The following ZBTB5 variants were observed in gnomAD, a reference collection of about 807,000 sequenced individuals.
ZBTB5 encodes the protein zinc finger and BTB domain-containing protein 5.
ZBTB5 carries 15 observed loss-of-function variants against 37.9 expected under a neutral mutation model. The ratio of observed to expected loss-of-function variants is 0.40; its 90% CI spans 0.26 to 0.61. ZBTB5 has a LOEUF of 0.61. ZBTB5 is among the 20% of genes least tolerant of loss of function. ZBTB5 has a pLI of 0.47. For missense variants in ZBTB5, 708 were observed against 856.8 expected (o/e 0.83, Z 2.17); for synonymous variants, 315 against 312.4 (o/e 1.01, Z -0.09).
intron 1 of ZBTB5, among the ~76,000 whole-genome samples, chr9:37,444,816 A>C (rs542566725): frequency 6.6e-6 from 1 of 152,248 alleles, no homozygotes; most frequent in South Asian, 2.1e-4. Context: ...AGATTGTAGG[A>C]AACAGGAGAC....
intron 1 of ZBTB5, among the ~76,000 whole-genome samples, chr9:37,452,745 G>A (rs1344052510): frequency 6.6e-6 from 1 of 152,158 alleles, no homozygotes; most frequent in Non-Finnish European, 1.5e-5. Flanking sequence ...AGGCAAAGGT[G>A]CTGGTCTTTC....
intron 1 of ZBTB5, among the ~76,000 whole-genome samples, chr9:37,443,331 AG>A (rs1823919505): frequency 6.6e-6 from 1 of 151,480 alleles, no homozygotes; most frequent in Non-Finnish European, 1.5e-5. Flanking sequence ...TTCATCTCAA[AG>A]GAAAAAAAAA....
rs760367964 is a variant in ZBTB5, at chr9:37,442,411, C to T, written c.141G>A (p.Thr47=). The T allele has an allele frequency of 3.3e-5, 54 of 1,613,896 alleles. No individual in the cohort carries two copies. Among genetic ancestry groups the T allele is most frequent in the Middle Eastern group, 1.6e-4 (1 of 6,084 alleles). Residue 47 remains threonine (T), a synonymous_variant, in exon 2 of 2, where the codon ACG becomes ACA. Coordinates refer to ENST00000307750, the MANE Select transcript of ZBTB5 (RefSeq NM_014872.3). ...CCACTGAGAACAGGGCTCGGAAATG[C>T]GTGCTGCATGCTGCCAGCACGGAGC... The part of the protein sequence containing the change: ...AHRSVLAACS[T]HFRALFSVAE...
intron 1 of ZBTB5, among the ~76,000 whole-genome samples, 200 bp downstream of exon 1, chr9:37,465,015 G>A (rs939259238): frequency 1.3e-5 from 2 of 151,742 alleles, no homozygotes; most frequent in Admixed American, 1.3e-4. Flanking sequence ...TCGGGACACC[G>A]GGGACGCCTG....
intron 1 of ZBTB5, among the ~76,000 whole-genome samples, chr9:37,445,348 G>A (rs1003166916): frequency 2.0e-5 from 3 of 152,140 alleles, no homozygotes; most frequent in Admixed American, 1.3e-4. Context: ...ATGTTATTTA[G>A]AAGTATAGAA....
chr9:37,443,799 G>A (rs1017173708), intron 1 of ZBTB5, among the ~76,000 whole-genome samples: 5 of 152,162 alleles, frequency 3.3e-5, no homozygotes, highest in Admixed American at 1.3e-4. Flanking sequence ...GGGCATGCTG[G>A]TATGTGCCTT....
intron 1 of ZBTB5, among the ~76,000 whole-genome samples, chr9:37,445,269 A>G (rs1453176884): frequency 2.0e-5 from 3 of 152,190 alleles, no homozygotes; most frequent in Non-Finnish European, 4.4e-5. Flanking sequence ...ATAAAGTTAA[A>G]TCTTCACTTT....
At chr9:37,454,466 T>C (rs1277526873) in intron 1 of ZBTB5, among the ~76,000 whole-genome samples, 1 of 152,232 alleles carries the variant, frequency 6.6e-6, no homozygotes, top group Non-Finnish European at 1.5e-5. Context: ...TCTACTGATG[T>C]ATAACTGTGT....
intron 1 of ZBTB5, among the ~76,000 whole-genome samples, chr9:37,444,664 G>A (rs767371529): frequency 5.3e-5 from 8 of 152,200 alleles, no homozygotes; most frequent in Non-Finnish European, 1.2e-4. Flanking sequence ...AAAGCTAGAA[G>A]ATGACAGTTC....
chr9:37,450,655 A>T (rs1349328749), intron 1 of ZBTB5, among the ~76,000 whole-genome samples: 1 of 152,014 alleles, frequency 6.6e-6, no homozygotes, highest in East Asian at 1.9e-4. Flanking sequence ...ACCTGAGGTC[A>T]AGAGTTCAAG....
intron 1 of ZBTB5, among the ~76,000 whole-genome samples, chr9:37,446,319 T>C (rs1214135190): frequency 6.6e-6 from 1 of 152,298 alleles, no homozygotes; most frequent in East Asian, 1.9e-4. Flanking sequence ...CCATACAGCC[T>C]TACAGGCCAA....
At chr9:37,453,483 T>C (rs1335722363) in intron 1 of ZBTB5, among the ~76,000 whole-genome samples, 1 of 152,190 alleles carries the variant, frequency 6.6e-6, no homozygotes, top group African/African-American at 2.4e-5. Flanking sequence ...AGTTTTCAGA[T>C]CTGTTACACA....
At chr9:37,449,764 G>A (rs1261373047) in intron 1 of ZBTB5, among the ~76,000 whole-genome samples, 2 of 151,422 alleles carry the variant, frequency 1.3e-5, no homozygotes, top group South Asian at 2.1e-4. Flanking sequence ...AGCAGATAGT[G>A]AGGGTAAGCC....
chr9:37,453,152 C>G (rs1824131176), intron 1 of ZBTB5, among the ~76,000 whole-genome samples: 2 of 152,196 alleles, frequency 1.3e-5, no homozygotes, highest in Admixed American at 1.3e-4. Context: ...TCTATTCCTT[C>G]ATTGGATTCT....
rs1011725171 is a variant in ZBTB5, at chr9:37,438,335, G to C, written c.*2183C>G. 6.6e-6 allele frequency: 1 copy of C among 152,536 alleles called. No individual in the cohort carries two copies. Among genetic ancestry groups the C allele is most frequent in the African/African-American group, 2.4e-5 (1 of 41,416 alleles). The allele number at this position is 152,536 out of a possible 1,614,324, so 9.4% of individuals were successfully genotyped here. ...AAACTACAGATCATAGGAACCCTGG[G>C]ACTGGTTTTCCAGGGAACCCTGGAA... On this transcript the variant is annotated 3_prime_UTR_variant, in exon 2 of 2. Transcript: ENST00000307750.
At chr9:37,451,426 C>T (rs1165319251) in intron 1 of ZBTB5, among the ~76,000 whole-genome samples, 5 of 151,698 alleles carry the variant, frequency 3.3e-5, no homozygotes, top group East Asian at 3.9e-4. Flanking sequence ...GGTGTGGTGG[C>T]GCAGGCCTGT....
intron 1 of ZBTB5, among the ~76,000 whole-genome samples, chr9:37,459,659 C>T (rs1378091435): frequency 6.6e-6 from 1 of 150,534 alleles, no homozygotes; most frequent in Admixed American, 6.6e-5. Context: ...AATCCTCCTG[C>T]CTCAGCCTCC....
At chr9:37,449,492 G>A (rs1468722672) in intron 1 of ZBTB5, among the ~76,000 whole-genome samples, 1 of 152,054 alleles carries the variant, frequency 6.6e-6, no homozygotes, top group Non-Finnish European at 1.5e-5. Flanking sequence ...GAGGCCAGGA[G>A]TTTGCGACCA....
rs1315549467 is a variant in ZBTB5 at position 37,442,382 on chromosome 9, T to C, written c.170A>G (p.Glu57Gly). The C allele has an allele frequency of 1.2e-6, 2 of 1,614,148 alleles. No individual in the cohort carries two copies. Among genetic ancestry groups the C allele is most frequent in the Admixed American group, 1.7e-5 (1 of 60,024 alleles). Residue 57 changes from glutamate to glycine, a missense_variant, in exon 2 of 2, where the codon GAA becomes GGA. Around this residue, in one of 3 missense-constraint regions of ZBTB5, gnomAD observed 639 missense variants for 690.5 expected, o/e 0.93. Transcript: ENST00000307750. The stretch of plus-strand genomic sequence containing the variant: ...GATCATGTTCATGGTCTGATCTCCT[T>C]CTGCCACTGAGAACAGGGCTCGGAA... ...THFRALFSVA[E>G]GDQTMNMIQL...
Sources: gnomAD v4.1 joint callset for allele counts (sites outside exome capture counted in the v4.1 genomes callset) on GRCh38, gnomAD v4.1.1 for gene constraint, gnomAD v4.1.1 regional missense constraint, MANE v1.5 for transcripts, NCBI Gene and HGNC (gene_info 2026-07-23, HGNC 2026-07-21) for gene names.